The following TBC1D1 variants were observed in gnomAD, a reference collection of about 807,000 sequenced individuals.
The protein encoded by TBC1D1 is TBC1 domain family member 1, also known as TBC1 (tre-2/USP6, BUB2, cdc16) domain family, member 1.
In TBC1D1, 89 loss-of-function variants were observed where a neutral mutation model predicts 125.6. The ratio of observed to expected loss-of-function variants is 0.71; its 90% CI spans 0.60 to 0.85. The LOEUF is 0.85. Among genes scored for constraint, TBC1D1 ranks in the 40% least tolerant of loss-of-function variants. The pLI is 0.00. For synonymous variants in TBC1D1, 565 were observed against 564.1 expected, an observed-to-expected ratio of 1.00 and a Z score of -0.02; for missense variants, 1,377 against 1,469.2, an observed-to-expected ratio of 0.94 and a Z score of 1.03.
intron 8 of TBC1D1, among the ~76,000 whole-genome samples, chr4:38,038,881 G>A (rs1200886971): frequency 6.6e-6 from 1 of 151,562 alleles, no homozygotes; most frequent in South Asian, 2.1e-4. Flanking sequence ...GGGAAGCGGA[G>A]GTTGCAGTGA....
intron 2 of TBC1D1, among the ~76,000 whole-genome samples, chr4:37,920,293 G>C (rs540754300): frequency 1.3e-5 from 2 of 152,280 alleles, no homozygotes; most frequent in South Asian, 2.1e-4. Context: ...ATGTCATCTC[G>C]TAAGAGGTAG....
At chr4:37,954,411 C>T (rs1304478499) in intron 2 of TBC1D1, among the ~76,000 whole-genome samples, 1 of 151,550 alleles carries the variant, frequency 6.6e-6, no homozygotes, top group African/African-American at 2.4e-5. Context: ...AAAAAATTGC[C>T]TACTATGTGC....
chr4:38,117,922 T>C (rs1763238171), intron 16 of TBC1D1, 111 bp from the exon 19 acceptor site: 1 of 963,210 alleles, frequency 1.0e-6, no homozygotes, highest in Non-Finnish European at 1.6e-6. Flanking sequence ...CCAAATCGAA[T>C]GTTTAAAGTT....
chr4:37,897,498 T>C (rs1160795914), intron 1 of TBC1D1, among the ~76,000 whole-genome samples: 1 of 152,216 alleles, frequency 6.6e-6, no homozygotes, highest in Admixed American at 6.5e-5. Context: ...AAGAACATGC[T>C]ACAGCTGGTT....
rs774514436 is a variant in TBC1D1, at chr4:38,014,907, C to T, written c.816C>T (p.His272=). 10 of 1,597,902 alleles carry T rather than the reference C, an allele frequency of 6.3e-6. No individual in the cohort carries two copies. In the South Asian group the frequency reaches 6.6e-5, roughly 11 times the overall value. ...TCGAGGAGAGCGACATTGAGAACCA[C>T]CTCATTAGCGGACACAATATTGTGC... The change falls in exon 3 of 20, where the codon CAC becomes CAT. Residue 272 remains histidine (H), a synonymous_variant. Coordinates refer to ENST00000261439, the MANE Select transcript of TBC1D1 (RefSeq NM_015173.4). This position sits in a 1 kb window ranked among gnomAD's most constrained non-coding sequence, Gnocchi z 5.1.
At chr4:37,893,948 C>T (rs967471626) in intron 1 of TBC1D1, among the ~76,000 whole-genome samples, 3 of 151,284 alleles carry the variant, frequency 2.0e-5, no homozygotes, top group Non-Finnish European at 4.4e-5. Context: ...AGACCAGATT[C>T]TTCACGAAAG....
At chr4:37,981,893 A>G (rs1734400988) in intron 2 of TBC1D1, among the ~76,000 whole-genome samples, 1 of 152,188 alleles carries the variant, frequency 6.6e-6, no homozygotes, top group Admixed American at 6.5e-5. Flanking sequence ...ATAGGAGGTG[A>G]TAGTGGTAGC....
intron 12 of TBC1D1, among the ~76,000 whole-genome samples, chr4:38,081,811 T>C (rs1375873684): frequency 6.6e-6 from 1 of 152,164 alleles, no homozygotes; most frequent in Non-Finnish European, 1.5e-5. Context: ...CTTGCCCATT[T>C]CCTGGTAGTT....
At chr4:38,100,459 C>G (rs1207616138) in intron 14 of TBC1D1, among the ~76,000 whole-genome samples, 1 of 152,170 alleles carries the variant, frequency 6.6e-6, no homozygotes, top group Non-Finnish European at 1.5e-5. Context: ...TATAAGAATG[C>G]TTGTCACTGG....
At chr4:38,103,671 G>A (rs1362833755) in intron 15 of TBC1D1, among the ~76,000 whole-genome samples, 2 of 152,122 alleles carry the variant, frequency 1.3e-5, no homozygotes, top group Middle Eastern at 6.3e-3. Flanking sequence ...TAAGAAGATG[G>A]GAACAATATA....
At chr4:38,109,700 T>C (rs183604501) in intron 15 of TBC1D1, among the ~76,000 whole-genome samples, 63 of 152,318 alleles carry the variant, frequency 4.1e-4, no homozygotes, top group Non-Finnish European at 8.2e-4. Flanking sequence ...GACTCTCCCT[T>C]AATCTCCTAA....
At chr4:37,905,328 A>G (rs1717082772) in intron 2 of TBC1D1, among the ~76,000 whole-genome samples, 1 of 152,342 alleles carries the variant, frequency 6.6e-6, no homozygotes, top group South Asian at 2.1e-4. Context: ...ACAGCCATTG[A>G]GTCGGTCTCT....
chr4:37,932,105 A>G (rs1434921194), intron 2 of TBC1D1, among the ~76,000 whole-genome samples: 4 of 152,208 alleles, frequency 2.6e-5, no homozygotes, highest in Admixed American at 1.3e-4. Flanking sequence ...GGCTTTTGCC[A>G]GAATAAACAG....
rs553209642 is a variant in TBC1D1, at chr4:38,108,491, G to A, written c.2557+5334G>A. 1.8e-4 allele frequency among the ~76,000 whole-genome samples: 27 copies of A among 152,320 alleles called. 1 individual carries two copies. The highest frequency in any genetic ancestry group is 5.5e-4 in the African/African-American group (23 of 41,566). The stretch of plus-strand genomic sequence containing the variant: ...CATATTATAGGTCAGTAAGGGGATG[G>A]CACAGTTTATAATCCCTGCAAGAGT... On this transcript the variant is annotated intron_variant, in intron 15 of 19. Coordinates refer to ENST00000261439, the MANE Select transcript of TBC1D1 (RefSeq NM_015173.4).
In TBC1D1 at chr4:38,049,814, A is replaced by C. The variant is rs757190913; in HGVS notation, c.1826A>C (p.Gln609Pro). 47 of 1,613,982 alleles carry C rather than the reference A, an allele frequency of 2.9e-5. No individual in the cohort carries two copies. The highest frequency in any genetic ancestry group is 2.4e-4 in the African/African-American group (18 of 74,908). The change falls in exon 11 of 20, where the codon CAA (glutamine) becomes CCA (proline). Residue 609 changes from glutamine to proline, a missense_variant. By Grantham distance (76) the Gln-to-Pro change is moderately conservative. Around this residue, in one of 3 missense-constraint regions of TBC1D1, gnomAD observed 822 missense variants for 824.6 expected, o/e 1.00. Transcript: ENST00000261439. ...CCCATCGAATGCCAGGAACCTCCACAACCTGCCCGGGGGTCCCCGGGGGTT... is the reference window on the plus strand; with the variant it reads ...CCCATCGAATGCCAGGAACCTCCACCACCTGCCCGGGGGTCCCCGGGGGTT...
chr4:38,096,218 T>A, intron 14 of TBC1D1, 128 bp downstream of exon 16: 1 of 705,780 alleles, frequency 1.4e-6, no homozygotes, highest in Non-Finnish European at 2.4e-6. Context: ...CATCTTAATC[T>A]ATTTCCATAT....
chr4:37,991,840 C>T lies in TBC1D1; in HGVS notation c.418-22669C>T, dbSNP rs540285084. 2.0e-5 allele frequency among the ~76,000 whole-genome samples: 3 copies of T among 152,212 alleles called. No homozygotes were observed. In the South Asian group the frequency reaches 6.2e-4, roughly 32 times the overall value. ...AGCCTCCTGTGGCTGCATTTCATCCCGAAAGTGAATAAGGTGAGTGAGTGA... is the reference window on the plus strand; with the variant it reads ...AGCCTCCTGTGGCTGCATTTCATCCTGAAAGTGAATAAGGTGAGTGAGTGA... On this transcript the variant is annotated intron_variant, in intron 2 of 19. Coordinates refer to ENST00000261439, the MANE Select transcript of TBC1D1 (RefSeq NM_015173.4).
intron 2 of TBC1D1, among the ~76,000 whole-genome samples, chr4:37,911,044 G>A (rs2152250339): frequency 6.7e-6 from 1 of 149,590 alleles, no homozygotes; most frequent in African/African-American, 2.5e-5. Context: ...CTTCCTGTTA[G>A]CCATGGACTA....
At chr4:37,901,561 G>C (rs1716003171) in intron 1 of TBC1D1, among the ~76,000 whole-genome samples, 1 of 152,166 alleles carries the variant, frequency 6.6e-6, no homozygotes, top group Non-Finnish European at 1.5e-5. Context: ...CAACATAATA[G>C]GCACTGAAGA....
Sources: gnomAD v4.1 joint callset for allele counts (sites outside exome capture counted in the v4.1 genomes callset) on GRCh38, gnomAD v4.1.1 for gene constraint, gnomAD v4.1.1 regional missense constraint, Gnocchi (gnomAD v3.1) non-coding constraint, MANE v1.5 for transcripts, NCBI Gene and HGNC (gene_info 2026-07-23, HGNC 2026-07-21) for gene names.